MNAT1: variants seen among roughly 807,000 people sequenced by gnomAD.
MNAT1 encodes CDK-activating kinase assembly factor MAT1.
A neutral mutation model predicts 42.0 loss-of-function variants in MNAT1; 43 were observed. The observed-to-expected ratio is 1.02, with a 90% CI of 0.80 to 1.32. The LOEUF is 1.32. Ranked by LOEUF, MNAT1 falls within the 40% of genes most tolerant of loss-of-function variation. The probability of loss-of-function intolerance (pLI) is 0.00; values close to 1 mark genes in which losing one functional copy is unlikely to be tolerated. For missense variants in MNAT1, 306 were observed against 350.4 expected (o/e 0.87, Z 1.01); for synonymous variants, 118 against 120.0 (o/e 0.98, Z 0.11).
intron 5 of MNAT1, among the ~76,000 whole-genome samples, chr14:60,817,517 T>C (rs2032751706): frequency 1.3e-5 from 2 of 152,032 alleles, no homozygotes; most frequent in South Asian, 4.1e-4. Flanking sequence ...ACTTCTATTA[T>C]AAAATCTTGA....
chr14:60,921,971 A>T (rs532346515), intron 7 of MNAT1, among the ~76,000 whole-genome samples: 9 of 152,158 alleles, frequency 5.9e-5, no homozygotes, highest in Non-Finnish European at 1.0e-4. Flanking sequence ...TAATACTTTC[A>T]TAGTAAATTT....
intron 1 of MNAT1, among the ~76,000 whole-genome samples, chr14:60,786,276 A>G (rs2031648725): frequency 6.7e-6 from 1 of 150,250 alleles, no homozygotes; most frequent in African/African-American, 2.4e-5. Flanking sequence ...AGAGAGAGCT[A>G]GAACAATAGT....
At chr14:60,838,107 A>G (rs1472799118) in intron 6 of MNAT1, among the ~76,000 whole-genome samples, 1 of 151,536 alleles carries the variant, frequency 6.6e-6, no homozygotes. Context: ...TGTTCAGAGA[A>G]CCAGTTTCCA....
intron 6 of MNAT1, among the ~76,000 whole-genome samples, chr14:60,858,146 C>G (rs911624621): frequency 3.9e-4 from 60 of 152,300 alleles, no homozygotes; most frequent in African/African-American, 1.4e-3. Context: ...AAAGGAATCA[C>G]CACTCTGTCT....
At chr14:60,761,093 C>A (rs1443515165) in intron 1 of MNAT1, among the ~76,000 whole-genome samples, 1 of 152,000 alleles carries the variant, frequency 6.6e-6, no homozygotes, top group Non-Finnish European at 1.5e-5. Flanking sequence ...AATGTGTTTA[C>A]TTCTTTGTTT....
At chr14:60,853,023 A>T (rs140941089) in intron 6 of MNAT1, among the ~76,000 whole-genome samples, 2 of 152,336 alleles carry the variant, frequency 1.3e-5, no homozygotes, top group Middle Eastern at 3.4e-3. Context: ...TGTCTTGGCT[A>T]TACAGGCTCT....
In MNAT1 at chr14:60,958,312, AT is replaced by A. The variant is rs142010432; in HGVS notation, c.810-9907del. 2.6e-3 allele frequency among the ~76,000 whole-genome samples: 382 copies of A among 148,374 alleles called. 11 individuals carry two copies. The East Asian group carries it at 0.057, about 22-fold the overall frequency. On this transcript the variant is annotated intron_variant, in intron 7 of 7. Coordinates refer to ENST00000261245, the MANE Select transcript of MNAT1 (RefSeq NM_002431.4). ...GCTGCATAAAGTATTTTTGGTTGGC[AT>A]TTTTTTTTTCTTTCACAAACTCTTC...
intron 7 of MNAT1, among the ~76,000 whole-genome samples, chr14:60,908,032 A>G (rs1274965948): frequency 6.6e-6 from 1 of 152,158 alleles, no homozygotes; most frequent in African/African-American, 2.4e-5. Context: ...GAATCTAACT[A>G]TAACATCTAT....
intron 7 of MNAT1, among the ~76,000 whole-genome samples, chr14:60,880,836 C>T (rs2034534603): frequency 6.6e-6 from 1 of 152,132 alleles, no homozygotes; most frequent in South Asian, 2.1e-4. Context: ...ATGAAGCCAA[C>T]AGGATGTAAA....
intron 6 of MNAT1, among the ~76,000 whole-genome samples, chr14:60,858,565 C>T (rs923147605): frequency 6.6e-5 from 10 of 151,988 alleles, no homozygotes; most frequent in African/African-American, 2.4e-4. Context: ...GAATTGACTC[C>T]AATTTTGAAA....
At chr14:60,859,766 A>T (rs1002581344) in intron 6 of MNAT1, among the ~76,000 whole-genome samples, 2 of 152,052 alleles carry the variant, frequency 1.3e-5, no homozygotes, top group Non-Finnish European at 2.9e-5. Context: ...GGAAGTTTTG[A>T]TTGTGTTATA....
chr14:60,942,772 ATATGT>A (rs1265357484), intron 7 of MNAT1, among the ~76,000 whole-genome samples: 1 of 152,204 alleles, frequency 6.6e-6, no homozygotes, highest in African/African-American at 2.4e-5. Context: ...CTTCTTTAAC[ATATGT>A]TAAAGTAAGC....
At chr14:60,757,257 A>T (rs2030397048) in intron 1 of MNAT1, among the ~76,000 whole-genome samples, 1 of 152,016 alleles carries the variant, frequency 6.6e-6, no homozygotes, top group South Asian at 2.1e-4. Flanking sequence ...ACAGTTTCTT[A>T]CTCTTATTTA....
intron 7 of MNAT1, among the ~76,000 whole-genome samples, chr14:60,944,761 C>T (rs937759424): frequency 5.3e-5 from 8 of 152,022 alleles, no homozygotes; most frequent in Admixed American, 3.3e-4. Context: ...TTTTGGTAAG[C>T]GAGGCACTTT....
At chr14:60,904,495 C>T (rs1326489342) in intron 7 of MNAT1, among the ~76,000 whole-genome samples, 1 of 151,964 alleles carries the variant, frequency 6.6e-6, no homozygotes, top group East Asian at 1.9e-4. Context: ...CTTTTTTATG[C>T]AGTTATGGAA....
rs778077930 is a variant in MNAT1, at chr14:60,798,084, A to G, written c.243-3A>G. ...TGTAGATTTCTTTTTTCTTTTCTTA[A>G]AGATACAATAAAAGGGAAGAAGATT... is the stretch of plus-strand genomic sequence containing the variant. On this transcript the variant is annotated splice_region_variant and splice_polypyrimidine_tract_variant and intron_variant, in intron 2 of 7. Transcript: ENST00000261245. The G allele has an allele frequency of 7.5e-7, 1 of 1,332,976 alleles. No homozygotes were observed. The highest frequency in any genetic ancestry group is 1.2e-5 in the South Asian group (1 of 82,742). The allele number at this position is 1,332,976 out of a possible 1,614,324, so 82.6% of individuals were successfully genotyped here. A position where few individuals can be genotyped will look rare whatever the true frequency, so the allele number is the denominator to read the frequency against.
Position 60,792,817 on chromosome 14 carries a change from A to G in MNAT1, c.90-3400A>G, listed in dbSNP as rs550182911. 2.6e-5 allele frequency among the ~76,000 whole-genome samples: 4 copies of G among 152,350 alleles called. No individual in the cohort carries two copies. The South Asian group carries it at 8.3e-4, about 32-fold the overall frequency. ...ATTCTGATTTTTAAAAACAAAAACCATAAAAATATTTTTGGAAATGGATAA... is the reference window on the plus strand; with the variant it reads ...ATTCTGATTTTTAAAAACAAAAACCGTAAAAATATTTTTGGAAATGGATAA... On this transcript the variant is annotated intron_variant, in intron 1 of 7. Coordinates refer to ENST00000261245, the MANE Select transcript of MNAT1 (RefSeq NM_002431.4).
At chr14:60,900,691 G>A (rs1475722590) in intron 7 of MNAT1, among the ~76,000 whole-genome samples, 1 of 152,132 alleles carries the variant, frequency 6.6e-6, no homozygotes, top group Non-Finnish European at 1.5e-5. Context: ...TCTATTGGAA[G>A]GAGATGCCAT....
chr14:60,936,855 G>A (rs966066222), intron 7 of MNAT1, among the ~76,000 whole-genome samples: 1 of 152,114 alleles, frequency 6.6e-6, no homozygotes, highest in African/African-American at 2.4e-5. Context: ...GTGTAAAAGT[G>A]TTCCTATTTC....
Sources: allele counts gnomAD v4.1 joint callset (sites outside exome capture counted in the v4.1 genomes callset), GRCh38; gene constraint gnomAD v4.1.1; transcripts MANE v1.5; gene names NCBI Gene and HGNC (gene_info 2026-07-23, HGNC 2026-07-21).